The following SELENBP1 variants were observed in gnomAD, a reference collection of about 807,000 sequenced individuals.
SELENBP1 encodes methanethiol oxidase.
In SELENBP1, 71 loss-of-function variants were observed where a neutral mutation model predicts 61.0. That is an observed-to-expected ratio of 1.16 (90% CI 0.96 to 1.42). The LOEUF (loss-of-function observed/expected upper bound fraction) is 1.42. Among genes scored for constraint, SELENBP1 ranks in the 40% most tolerant of loss-of-function variants. The pLI, the probability that SELENBP1 is intolerant of heterozygous loss-of-function variation, is 0.00. For synonymous variants in SELENBP1, 270 were observed against 238.9 expected (o/e 1.13, Z -1.20); for missense variants, 561 against 605.0 (o/e 0.93, Z 0.76).
rs568662688 is a variant in SELENBP1, at chr1:151,364,765, G to T, written c.1257-60C>A. The T allele has an allele frequency of 3.7e-5, 57 of 1,522,008 alleles. No individual in the cohort carries two copies. In the African/African-American group the frequency reaches 7.5e-4, roughly 20 times the overall value. The allele number at this position is 1,522,008 out of a possible 1,614,324, so 94.3% of individuals were successfully genotyped here. A position where few individuals can be genotyped will look rare whatever the true frequency, so the allele number is the denominator to read the frequency against. ...AGAGGTGGCTGCCCCCTTCCCCTAA[G>T]ATTTTAGGGGAAAGCTCCTGAGGAA... On this transcript the variant is annotated intron_variant, in intron 11 of 11. Transcript: ENST00000368868.
At chr1:151,365,965 T>A in intron 7 of SELENBP1, 119 bp from the exon 8 acceptor site, 1 of 1,085,078 alleles carries the variant, frequency 9.2e-7, no homozygotes, top group Middle Eastern at 3.0e-4. Flanking sequence ...ATGCCCGGCC[T>A]TCTTGCCAGC....
chr1:151,368,135 G>C, intron 5 of SELENBP1, 64 bp downstream of exon 5: 1 of 1,581,208 alleles, frequency 6.3e-7, no homozygotes. Context: ...TCCTCCCACA[G>C]AAAAATGCTT....
At position 151,368,261 on chromosome 1, in the gene SELENBP1, T is replaced by A. The variant is rs201591413; in HGVS notation, c.419A>T (p.His140Leu). ...KCELAFLHTS[H>L]CLASGEVMIS... ...CATCACTTCCCCGCTGGCCAGGCAG[T>A]GGCTGGTGTGGAGAAAGGCCAGTTC... The change falls in exon 5 of 12, where the codon CAC becomes CTC. Residue 140 changes from histidine to leucine, a missense_variant. His to Leu is a moderately conservative substitution (Grantham distance 99). Coordinates refer to ENST00000368868, the MANE Select transcript of SELENBP1 (RefSeq NM_003944.4). 6 of 1,614,180 alleles carry A rather than the reference T, an allele frequency of 3.7e-6. No individual in the cohort carries two copies. Among genetic ancestry groups the A allele is most frequent in the Middle Eastern group, 1.6e-4 (1 of 6,062 alleles).
intron 7 of SELENBP1, 40 bp downstream of exon 7, chr1:151,366,235 C>G: frequency 1.9e-6 from 3 of 1,592,652 alleles, no homozygotes; most frequent in Non-Finnish European, 2.6e-6. Context: ...GAGCTGCTGA[C>G]AAGACTACTG....
At position 151,367,910 on chromosome 1, in the gene SELENBP1, G is replaced by A. The variant is rs549852028; in HGVS notation, c.481+289C>T. 3.2e-4 allele frequency among the ~76,000 whole-genome samples: 48 copies of A among 152,292 alleles called. No homozygotes were observed. The East Asian group carries it at 3.7e-3, about 12-fold the overall frequency. On this transcript the variant is annotated intron_variant, in intron 5 of 11. Coordinates refer to ENST00000368868, the MANE Select transcript of SELENBP1 (RefSeq NM_003944.4). ...TGGAACTCCTGAGCTCAAGCGATCC[G>A]CTGGCCTCGGCCTCTTGAAGTGCTG... is the stretch of plus-strand genomic sequence containing the variant.
rs999762549 is a variant in SELENBP1 at position 151,366,203 on chromosome 1, G to T, written c.843+72C>A. The T allele has an allele frequency of 7.8e-6, 12 of 1,540,156 alleles. No individual in the cohort carries two copies. The African/African-American group carries it at 1.2e-4, about 16-fold the overall frequency. ...GTTCCTGGAGACGCCTGGGAGCACCGTTACAGAAGCCTGCTTAGGTAGAGC... is the reference window on the plus strand; with the variant it reads ...GTTCCTGGAGACGCCTGGGAGCACCTTTACAGAAGCCTGCTTAGGTAGAGC... On this transcript the variant is annotated intron_variant, in intron 7 of 11. Coordinates refer to ENST00000368868, the MANE Select transcript of SELENBP1 (RefSeq NM_003944.4).
At position 151,364,327 on chromosome 1, in the gene SELENBP1, T is replaced by C. The variant is rs1651681825; in HGVS notation, c.*216A>G. ...TCTGAAGGACAGGGTTACGAGTTTATTTCTTGGTGCCTCCAAGAGCTCATG... is the reference window on the plus strand; with the variant it reads ...TCTGAAGGACAGGGTTACGAGTTTACTTCTTGGTGCCTCCAAGAGCTCATG... On this transcript the variant is annotated 3_prime_UTR_variant, in exon 12 of 12. Transcript: ENST00000368868. The C allele has an allele frequency of 6.8e-6, 4 of 589,102 alleles. No individual in the cohort carries two copies. Among genetic ancestry groups the C allele is most frequent in the Non-Finnish European group, 1.2e-5 (4 of 336,542 alleles). 36.5% of individuals were successfully genotyped at this position (589,102 alleles called of 1,614,324 possible).
Position 151,369,227 on chromosome 1 carries a change from G to A in SELENBP1, c.175-38C>T, listed in dbSNP as rs55906289. 0.31 allele frequency: 493,999 copies of A among 1,590,290 alleles called. 83,526 individuals carry two copies. The highest frequency in any genetic ancestry group is 0.35 in the Non-Finnish European group (412,917 of 1,164,878). ...GAGAGGTGGTGCTCCCCCAGGCCACGCCTCTGTCCACTTTTGGAAGAGGCG... is the reference window on the plus strand; with the variant it reads ...GAGAGGTGGTGCTCCCCCAGGCCACACCTCTGTCCACTTTTGGAAGAGGCG... On this transcript the variant is annotated intron_variant, in intron 3 of 11. Coordinates refer to ENST00000368868, the MANE Select transcript of SELENBP1 (RefSeq NM_003944.4).
intron 5 of SELENBP1, chr1:151,367,145 T>A (rs1456253713): frequency 1.0e-6 from 1 of 961,416 alleles, no homozygotes; most frequent in African/African-American, 1.6e-5. Context: ...GAGTTCAGGA[T>A]CAGCCTGGCC....
At position 151,372,647 on chromosome 1, in the gene SELENBP1, C is replaced by T. The variant is rs762797954; in HGVS notation, c.-6G>A. The T allele has an allele frequency of 1.2e-5, 19 of 1,614,008 alleles. No individual in the cohort carries two copies. Among genetic ancestry groups the T allele is most frequent in the South Asian group, 4.4e-5 (4 of 91,072 alleles). On this transcript the variant is annotated 5_prime_UTR_variant, in exon 1 of 12. Transcript: ENST00000368868. ...AAACCCCTCTCCTTACCCATGCTGC[C>T]GACTGGTACACTTTGATCCCGGCGG...
chr1:151,366,617 T>G, intron 6 of SELENBP1, 105 bp downstream of exon 6: 7 of 1,463,194 alleles, frequency 4.8e-6, no homozygotes, highest in Non-Finnish European at 6.6e-6. Flanking sequence ...CCATCTCTCT[T>G]AGATTCTGGG....
intron 1 of SELENBP1, among the ~76,000 whole-genome samples, chr1:151,371,648 G>C (rs1652143886): frequency 6.6e-6 from 1 of 152,046 alleles, no homozygotes; most frequent in African/African-American, 2.4e-5. Context: ...ATACAGAAGG[G>C]AAAGGAGATT....
chr1:151,367,076 C>T (rs1651869368), intron 5 of SELENBP1, 172 bp from the exon 6 acceptor site: 24 of 1,415,456 alleles, frequency 1.7e-5, no homozygotes, highest in Non-Finnish European at 2.2e-5. Flanking sequence ...GGAAGAGTGG[C>T]TCATGCCAGT....
intron 7 of SELENBP1, chr1:151,366,065 A>T: frequency 1.4e-6 from 1 of 734,566 alleles, no homozygotes. Flanking sequence ...CCTAGCACAG[A>T]CATTCACTAA....
chr1:151,368,263 G>T lies in SELENBP1; in HGVS notation c.417C>A (p.Ser139Arg). The stretch of plus-strand genomic sequence containing the variant: ...TCACTTCCCCGCTGGCCAGGCAGTG[G>T]CTGGTGTGGAGAAAGGCCAGTTCGC... ...AKCELAFLHT[S>R]HCLASGEVMI... The change falls in exon 5 of 12, where the codon AGC becomes AGA. Residue 139 changes from serine (S) to arginine (R), a missense_variant. By Grantham distance (110) the Ser-to-Arg change is moderately radical (BLOSUM62 -1). Transcript: ENST00000368868. 1 of 1,614,208 alleles carries T rather than the reference G, an allele frequency of 6.2e-7. No individual in the cohort carries two copies. The highest frequency in any genetic ancestry group is 8.5e-7 in the Non-Finnish European group (1 of 1,180,038).
In SELENBP1 at chr1:151,366,006, CA is replaced by C. The variant is rs552697613; in HGVS notation, c.844-161del. 124 of 804,330 alleles carry C rather than the reference CA, an allele frequency of 1.5e-4. 2 individuals are homozygous for C. In the South Asian group the frequency reaches 2.1e-3, roughly 13 times the overall value. The allele number at this position is 804,330 out of a possible 1,614,324, so 49.8% of individuals were successfully genotyped here. A position where few individuals can be genotyped will look rare whatever the true frequency, so the allele number is the denominator to read the frequency against. ...CTAACTCCATGCAAGCCCCTTGAGG[CA>C]GGGGTTGTGTCTGCTTCACCACTGC... On this transcript the variant is annotated intron_variant, in intron 7 of 11. Transcript: ENST00000368868.
chr1:151,369,252 G>GC (rs35093538), intron 3 of SELENBP1, 63 bp from the exon 4 acceptor site: 827,574 of 1,563,824 alleles, frequency 0.53, 223,586 homozygotes, highest in African/African-American at 0.68. Flanking sequence ...TGGAAGAGGC[G>GC]CCCTGTGGAC....
chr1:151,370,692 C>T (rs980448938), intron 1 of SELENBP1, among the ~76,000 whole-genome samples: 6 of 152,190 alleles, frequency 3.9e-5, no homozygotes, highest in Non-Finnish European at 5.9e-5. Flanking sequence ...TTGGGGCCTG[C>T]TGGGGAGCAG....
At chr1:151,367,117 C>A (rs374389616) in intron 5 of SELENBP1, 1 of 1,293,220 alleles carries the variant, frequency 7.7e-7, no homozygotes, top group Non-Finnish European at 1.0e-6. Flanking sequence ...CTGAGGCGGG[C>A]GGATCACTTG....
Sources: gnomAD v4.1 joint callset for allele counts (sites outside exome capture counted in the v4.1 genomes callset) on GRCh38, gnomAD v4.1.1 for gene constraint, MANE v1.5 for transcripts, NCBI Gene and HGNC (gene_info 2026-07-23, HGNC 2026-07-21) for gene names.